CHAMP1: variants seen among roughly 807,000 people sequenced by gnomAD.
CHAMP1 encodes the protein chromosome alignment-maintaining phosphoprotein 1.
A neutral mutation model predicts 54.5 loss-of-function variants in CHAMP1; 4 were observed. The ratio of observed to expected loss-of-function variants is 0.07; its 90% CI spans 0.04 to 0.17. The LOEUF (loss-of-function observed/expected upper bound fraction) is 0.17. Ranked by LOEUF, CHAMP1 falls within the 10% of genes least tolerant of loss-of-function variation. The pLI is 1.00. For synonymous variants in CHAMP1, 368 were observed against 342.2 expected (o/e 1.08, Z -0.83); for missense variants, 994 against 968.6 (o/e 1.03, Z -0.35).
In CHAMP1 at chr13:114,324,673, G is replaced by C. The variant is rs1566791510; in HGVS notation, c.831G>C (p.Glu277Asp). The C allele has an allele frequency of 3.7e-6, 6 of 1,613,906 alleles. No homozygotes were observed. Among genetic ancestry groups the C allele is most frequent in the Non-Finnish European group, 5.1e-6 (6 of 1,179,964 alleles). Residue 277 changes from glutamate to aspartate, a missense_variant, in exon 3 of 3, where the codon GAG becomes GAC. Coordinates refer to ENST00000361283, the MANE Select transcript of CHAMP1 (RefSeq NM_032436.4). ...AGTCAGCCCGGACTACCTCCCCTGA[G>C]CCAAGGAAGCCATCCCCTTCAGAGT... The part of the protein sequence containing the change: ...SRKSARTTSP[E>D]PRKPSPSESP...
chr13:114,317,272 G>A (rs1343046404), intron 1 of CHAMP1, among the ~76,000 whole-genome samples: 1 of 152,010 alleles, frequency 6.6e-6, no homozygotes, highest in East Asian at 2.0e-4. Flanking sequence ...TGATCCGCCT[G>A]CCTTGGCCTC....
At chr13:114,322,637 T>G (rs2087189399) in intron 2 of CHAMP1, 1 of 152,236 alleles carries the variant, frequency 6.6e-6, no homozygotes, top group Non-Finnish European at 1.5e-5. Context: ...GGCCAAGTAA[T>G]CCATTGCTAG....
At chr13:114,318,245 T>C (rs2087121973) in intron 1 of CHAMP1, among the ~76,000 whole-genome samples, 1 of 152,146 alleles carries the variant, frequency 6.6e-6, no homozygotes, top group African/African-American at 2.4e-5. Flanking sequence ...ATCAGTCTTT[T>C]CAGTTATAAA....
Position 114,327,203 on chromosome 13 carries a change from G to A in CHAMP1, c.*922G>A, listed in dbSNP as rs984515595. On this transcript the variant is annotated 3_prime_UTR_variant, in exon 3 of 3. Transcript: ENST00000361283. ...GACATTTCTGTTAAAGAAATATATC[G>A]ATTTTATGTTTTTCAATTATGTTAC... The A allele has an allele frequency of 6.0e-6, 1 of 166,848 alleles. No individual in the cohort carries two copies. Among genetic ancestry groups the A allele is most frequent in the Non-Finnish European group, 1.5e-5 (1 of 68,060 alleles). 10.3% of individuals were successfully genotyped at this position (166,848 alleles called of 1,614,324 possible).
At chr13:114,316,308 C>T (rs1342695233) in intron 1 of CHAMP1, among the ~76,000 whole-genome samples, 1 of 151,592 alleles carries the variant, frequency 6.6e-6, no homozygotes, top group South Asian at 2.1e-4. Flanking sequence ...GGATTACAGG[C>T]GCCTGCCACC....
intron 1 of CHAMP1, among the ~76,000 whole-genome samples, chr13:114,318,846 A>T (rs1397490455): frequency 1.2e-5 from 1 of 81,606 alleles, no homozygotes; most frequent in African/African-American, 4.6e-5. Context: ...GCCATCTGCC[A>T]TCCTGGTTGC....
chr13:114,326,365 A>T lies in CHAMP1; in HGVS notation c.*84A>T. 7.0e-7 allele frequency: 1 copy of T among 1,426,102 alleles called. No homozygotes were observed. The highest frequency in any genetic ancestry group is 2.6e-5 in the Admixed American group (1 of 38,244). 88.3% of individuals were successfully genotyped at this position (1,426,102 alleles called of 1,614,324 possible). ...ATAGCTTATCAGATAGCATAGTTGG[A>T]TCAGTAGATGACATGTATGGTGTAC... is the stretch of plus-strand genomic sequence containing the variant. On this transcript the variant is annotated 3_prime_UTR_variant, in exon 3 of 3. Transcript: ENST00000361283.
At chr13:114,322,350 A>T (rs536110690) in intron 2 of CHAMP1, 9 of 152,120 alleles carry the variant, frequency 5.9e-5, no homozygotes, top group East Asian at 3.9e-4. Context: ...ACATTTTTTT[A>T]AAATAATGGT....
chr13:114,317,265 T>A (rs1594865878), intron 1 of CHAMP1, among the ~76,000 whole-genome samples: 1 of 152,006 alleles, frequency 6.6e-6, no homozygotes, highest in Non-Finnish European at 1.5e-5. Flanking sequence ...CCTCAAATGA[T>A]CCGCCTGCCT....
chr13:114,323,791 T>G lies in CHAMP1; in HGVS notation c.-52T>G. The G allele has an allele frequency of 6.6e-7, 1 of 1,523,336 alleles. No individual in the cohort carries two copies. Among genetic ancestry groups the G allele is most frequent in the Non-Finnish European group, 8.8e-7 (1 of 1,136,574 alleles). The allele number at this position is 1,523,336 out of a possible 1,614,324, so 94.4% of individuals were successfully genotyped here. A position where few individuals can be genotyped will look rare whatever the true frequency, so the allele number is the denominator to read the frequency against. Reference sequence around the variant, plus strand: ...ATTTATTCCTACTTTATTGCAGCAGTATTGAAAGTTTTTAAAGAATATAAC... The same window carrying G: ...ATTTATTCCTACTTTATTGCAGCAGGATTGAAAGTTTTTAAAGAATATAAC... On this transcript the variant is annotated 5_prime_UTR_variant, in exon 3 of 3. Transcript: ENST00000361283.
In CHAMP1 at chr13:114,323,808, G is replaced by A; in HGVS notation, c.-35G>A. ...TGCAGCAGTATTGAAAGTTTTTAAA[G>A]AATATAACCGTGTGTGTTGGTAACA... On this transcript the variant is annotated 5_prime_UTR_variant, in exon 3 of 3. Coordinates refer to ENST00000361283, the MANE Select transcript of CHAMP1 (RefSeq NM_032436.4). 1 of 1,547,640 alleles carries A rather than the reference G, an allele frequency of 6.5e-7. No individual in the cohort carries two copies. The highest frequency in any genetic ancestry group is 8.7e-7 in the Non-Finnish European group (1 of 1,149,840).
At position 114,325,560 on chromosome 13, in the gene CHAMP1, A is replaced by T; in HGVS notation, c.1718A>T (p.Gln573Leu). Residue 573 changes from glutamine to leucine, a missense_variant, in exon 3 of 3, where the codon CAG (glutamine) becomes CTG (leucine). By Grantham distance (113) the Gln-to-Leu change is moderately radical. Around this residue, in one of 3 missense-constraint regions of CHAMP1, gnomAD observed 851 missense variants for 701.3 expected, o/e 1.21. Coordinates refer to ENST00000361283, the MANE Select transcript of CHAMP1 (RefSeq NM_032436.4). ...AAATCTGCTCTATTCTCAGAATCACAGAAGGCTGTTGAGCTTGGTGATGAA... is the reference window on the plus strand; with the variant it reads ...AAATCTGCTCTATTCTCAGAATCACTGAAGGCTGTTGAGCTTGGTGATGAA... ...LPKSALFSESQKAVELGDELQ... is the reference protein window; with the variant it reads ...LPKSALFSESLKAVELGDELQ... The T allele has an allele frequency of 6.2e-7, 1 of 1,614,226 alleles. No individual in the cohort carries two copies. The highest frequency in any genetic ancestry group is 8.5e-7 in the Non-Finnish European group (1 of 1,180,046).
At chr13:114,317,934 AAG>A (rs1383622885) in intron 1 of CHAMP1, among the ~76,000 whole-genome samples, 3 of 152,206 alleles carry the variant, frequency 2.0e-5, no homozygotes, top group Non-Finnish European at 1.5e-5. Context: ...CAAAGACAAA[AAG>A]AAATTTTTGT....
Position 114,325,873 on chromosome 13 carries a change from G to A in CHAMP1, c.2031G>A (p.Glu677=), listed in dbSNP as rs146400058. 120 of 1,613,986 alleles carry A rather than the reference G, an allele frequency of 7.4e-5. No homozygotes were observed. Among genetic ancestry groups the A allele is most frequent in the Non-Finnish European group, 1.4e-5 (17 of 1,180,000 alleles). The change falls in exon 3 of 3, where the codon GAG becomes GAA. Residue 677 remains glutamate, a synonymous_variant. Coordinates refer to ENST00000361283, the MANE Select transcript of CHAMP1 (RefSeq NM_032436.4). The part of the protein sequence containing the change: ...KENKMDMTSP[E]QSRNVLQFTE... ...ACAAAATGGACATGACTAGTCCAGAGCAGTCTAGAAATGTGCTACAGTTTA... is the reference window on the plus strand; with the variant it reads ...ACAAAATGGACATGACTAGTCCAGAACAGTCTAGAAATGTGCTACAGTTTA...
chr13:114,324,474 C>G lies in CHAMP1; in HGVS notation c.632C>G (p.Ala211Gly). The change falls in exon 3 of 3, where the codon GCC becomes GGC. Residue 211 changes from alanine to glycine, a missense_variant. Around this residue, in one of 3 missense-constraint regions of CHAMP1, gnomAD observed 851 missense variants for 701.3 expected, o/e 1.21. Transcript: ENST00000361283. ...PVPSPEPQKP[A>G]PVSPESVKAT... Reference sequence around the variant, plus strand: ...CCTTCTCCAGAACCACAGAAACCTGCCCCTGTATCTCCTGAGTCAGTAAAG... The same window carrying G: ...CCTTCTCCAGAACCACAGAAACCTGGCCCTGTATCTCCTGAGTCAGTAAAG... The G allele has an allele frequency of 6.2e-7, 1 of 1,614,214 alleles. No homozygotes were observed. The highest frequency in any genetic ancestry group is 8.5e-7 in the Non-Finnish European group (1 of 1,180,044).
intron 1 of CHAMP1, among the ~76,000 whole-genome samples, chr13:114,318,484 C>T (rs1013155754): frequency 5.3e-5 from 8 of 151,964 alleles, no homozygotes; most frequent in Non-Finnish European, 1.2e-4. Flanking sequence ...CTGCTGCACC[C>T]GGCTAATTTT....
rs961860334 is a variant in CHAMP1, at chr13:114,314,581, C to T, written c.-241C>T. On this transcript the variant is annotated 5_prime_UTR_variant, in exon 1 of 3. Transcript: ENST00000361283. ...CTGCAGGGCCTCGCGGAGCCGCCCG[C>T]GACCGCGAGCCGGGCCCTCCGCGCG... 1 of 151,822 alleles carries T rather than the reference C, an allele frequency of 6.6e-6. No homozygotes were observed. The highest frequency in any genetic ancestry group is 1.5e-5 in the Non-Finnish European group (1 of 67,898). 9.4% of individuals were successfully genotyped at this position (151,822 alleles called of 1,614,324 possible). A position where few individuals can be genotyped will look rare whatever the true frequency, so the allele number is the denominator to read the frequency against.
Position 114,326,666 on chromosome 13 carries a change from G to T in CHAMP1, c.*385G>T. The T allele has an allele frequency of 5.7e-6, 1 of 174,338 alleles. No individual in the cohort carries two copies. 10.8% of individuals were successfully genotyped at this position (174,338 alleles called of 1,614,324 possible). A position where few individuals can be genotyped will look rare whatever the true frequency, so the allele number is the denominator to read the frequency against. On this transcript the variant is annotated 3_prime_UTR_variant, in exon 3 of 3. Coordinates refer to ENST00000361283, the MANE Select transcript of CHAMP1 (RefSeq NM_032436.4). ...AGAAAATATTAGTTGAAATGTTTAA[G>T]AATTAGGCATGAAAAATAAATTTGA...
At chr13:114,318,100 G>C (rs1388644917) in intron 1 of CHAMP1, among the ~76,000 whole-genome samples, 1 of 152,118 alleles carries the variant, frequency 6.6e-6, no homozygotes, top group Non-Finnish European at 1.5e-5. Context: ...TAACATCTTC[G>C]TGGATCGTTC....
Sources: gnomAD v4.1 joint callset for allele counts (sites outside exome capture counted in the v4.1 genomes callset) on GRCh38, gnomAD v4.1.1 for gene constraint, gnomAD v4.1.1 regional missense constraint, MANE v1.5 for transcripts, NCBI Gene and HGNC (gene_info 2026-07-23, HGNC 2026-07-21) for gene names.